Variants in SLC23A2 observed in about 807,000 individuals in gnomAD.
SLC23A2 encodes the protein solute carrier family 23 member 2.
SLC23A2 carries 36 observed loss-of-function variants against 73.3 expected under a neutral mutation model. That is an observed-to-expected ratio of 0.49 (90% CI 0.38 to 0.65). SLC23A2 has a LOEUF of 0.65. Among genes scored for constraint, SLC23A2 ranks in the 30% least tolerant of loss-of-function variants. The probability of loss-of-function intolerance (pLI) is 0.00; values close to 1 mark genes in which losing one functional copy is unlikely to be tolerated. For missense variants in SLC23A2, 507 were observed against 841.6 expected, an observed-to-expected ratio of 0.60 and a Z score of 4.92; for synonymous variants, 343 against 327.3, an observed-to-expected ratio of 1.05 and a Z score of -0.52.
intron 2 of SLC23A2, among the ~76,000 whole-genome samples, chr20:4,944,420 G>A (rs905435372): frequency 6.6e-6 from 1 of 152,110 alleles, no homozygotes; most frequent in Non-Finnish European, 1.5e-5. Context: ...TGTATTTTTA[G>A]TAGAGACAGG....
At chr20:4,874,886 G>A (rs1054633967) in intron 9 of SLC23A2, among the ~76,000 whole-genome samples, 190 bp from the exon 10 acceptor site, 1 of 152,164 alleles carries the variant, frequency 6.6e-6, no homozygotes, top group Admixed American at 6.5e-5. Flanking sequence ...ATACTACTGT[G>A]GGGGAAGATG....
At chr20:4,873,062 C>T (rs72552206) in intron 11 of SLC23A2, among the ~76,000 whole-genome samples, 3,340 of 152,230 alleles carry the variant, frequency 0.022, 52 homozygotes, top group Middle Eastern at 0.051. Flanking sequence ...GCCTGAAAGA[C>T]GAAACTTTTT....
intron 7 of SLC23A2, 48 bp from the exon 8 acceptor site, chr20:4,884,871 C>A (rs770743789): frequency 1.9e-6 from 2 of 1,044,780 alleles, no homozygotes; most frequent in Non-Finnish European, 2.8e-6. Flanking sequence ...TGATGTCTCA[C>A]ATGACATATT....
intron 4 of SLC23A2, among the ~76,000 whole-genome samples, chr20:4,903,346 C>T (rs1355754136): frequency 6.6e-6 from 1 of 152,164 alleles, no homozygotes; most frequent in African/African-American, 2.4e-5. Context: ...CTGAGCCAAA[C>T]AGAAAACTCA....
intron 3 of SLC23A2, among the ~76,000 whole-genome samples, chr20:4,918,629 C>G (rs1932403925): frequency 6.6e-6 from 1 of 152,066 alleles, no homozygotes; most frequent in South Asian, 2.1e-4. Context: ...AGTATCACAG[C>G]AGTGCCAGGC....
intron 6 of SLC23A2, among the ~76,000 whole-genome samples, chr20:4,891,574 AC>A (rs940029250): frequency 5.3e-5 from 8 of 152,136 alleles, no homozygotes; most frequent in Non-Finnish European, 8.8e-5. Flanking sequence ...AGTGTGGCCA[AC>A]CCCAAGCCCT....
intron 6 of SLC23A2, among the ~76,000 whole-genome samples, chr20:4,894,205 G>A (rs1329755539): frequency 2.0e-5 from 3 of 152,148 alleles, no homozygotes; most frequent in African/African-American, 7.2e-5. Context: ...AAAGCTCAGG[G>A]GATCAAGGTC....
chr20:4,916,272 C>A (rs1022369859), intron 3 of SLC23A2, among the ~76,000 whole-genome samples: 1 of 152,166 alleles, frequency 6.6e-6, no homozygotes, highest in South Asian at 2.1e-4. Context: ...AAGAGCAACA[C>A]GCTCTCAGGA....
intron 2 of SLC23A2, among the ~76,000 whole-genome samples, chr20:4,956,481 A>G (rs2087290069): frequency 6.6e-6 from 1 of 152,226 alleles, no homozygotes; most frequent in South Asian, 2.1e-4. Context: ...AAAATTTCAA[A>G]CATACAGAAA....
intron 6 of SLC23A2, among the ~76,000 whole-genome samples, chr20:4,895,310 C>T (rs969943324): frequency 2.0e-5 from 3 of 152,180 alleles, no homozygotes; most frequent in Admixed American, 1.3e-4. Flanking sequence ...GGCCTGCACG[C>T]CCGGCTGCAT....
Position 4,856,711 on chromosome 20 carries a change from C to T in SLC23A2, c.*261G>A, listed in dbSNP as rs1361900137. 9.4e-6 allele frequency: 4 copies of T among 425,154 alleles called. No homozygotes were observed. Among genetic ancestry groups the T allele is most frequent in the Non-Finnish European group, 1.7e-5 (4 of 236,742 alleles). 26.3% of individuals were successfully genotyped at this position (425,154 alleles called of 1,614,324 possible). Reference sequence around the variant, plus strand: ...TTAAATGTCCACTCCAAAGGGAGGACTGGAACTTCAAATTTAGTGACCATG... The same window carrying T: ...TTAAATGTCCACTCCAAAGGGAGGATTGGAACTTCAAATTTAGTGACCATG... On this transcript the variant is annotated 3_prime_UTR_variant, in exon 17 of 17. Transcript: ENST00000338244. The surrounding 1 kb of genome is among the most constrained non-coding windows in gnomAD (Gnocchi z 4.6).
In SLC23A2 at chr20:4,992,413, A is replaced by AT. The variant is rs544187150; in HGVS notation, c.-282+8992dup. Among the ~76,000 whole-genome samples, 67 of 151,450 alleles carry AT rather than the reference A, an allele frequency of 4.4e-4. 1 individual carries two copies. The South Asian group carries it at 0.011, about 25-fold the overall frequency. On this transcript the variant is annotated intron_variant, in intron 1 of 16. Transcript: ENST00000338244. Reference sequence around the variant, plus strand: ...ACAAATATCAGACTAATTATAGCCAATTTTTTTTTAAAGAACTAAGAGAAA... The same window carrying AT: ...ACAAATATCAGACTAATTATAGCCAATTTTTTTTTTAAAGAACTAAGAGAAA...
intron 1 of SLC23A2, among the ~76,000 whole-genome samples, chr20:4,983,286 C>G (rs986244771): frequency 7.2e-5 from 11 of 151,994 alleles, no homozygotes; most frequent in Admixed American, 1.3e-4. Context: ...ACACCAAAAT[C>G]ACAAGCAAAA....
intron 15 of SLC23A2, among the ~76,000 whole-genome samples, chr20:4,860,897 C>T (rs1219044522): frequency 6.6e-6 from 1 of 152,056 alleles, no homozygotes; most frequent in Non-Finnish European, 1.5e-5. Flanking sequence ...AAAAATTGAC[C>T]GGGTGTGGTG....
chr20:4,885,664 G>A (rs1231598013), intron 7 of SLC23A2, among the ~76,000 whole-genome samples, 157 bp downstream of exon 7: 4 of 152,228 alleles, frequency 2.6e-5, no homozygotes, highest in Non-Finnish European at 5.9e-5. Context: ...AGACAGACAC[G>A]ATCCACAGAT....
intron 9 of SLC23A2, among the ~76,000 whole-genome samples, chr20:4,880,570 G>C (rs1302656638): frequency 6.6e-6 from 1 of 152,052 alleles, no homozygotes; most frequent in African/African-American, 2.4e-5. Context: ...AAGAGATAAA[G>C]CAAAGGAGAA....
intron 1 of SLC23A2, among the ~76,000 whole-genome samples, chr20:4,979,828 C>T (rs2087699255): frequency 6.6e-6 from 1 of 152,016 alleles, no homozygotes; most frequent in Non-Finnish European, 1.5e-5. Context: ...AAACAATCTG[C>T]AAATAACACT....
intron 2 of SLC23A2, among the ~76,000 whole-genome samples, chr20:4,962,329 A>G (rs1428296080): frequency 6.6e-6 from 1 of 151,930 alleles, no homozygotes; most frequent in Non-Finnish European, 1.5e-5. Context: ...GAGGGAGGAG[A>G]CCATGTTAGT....
chr20:4,974,561 AAT>A (rs113864823), intron 1 of SLC23A2, among the ~76,000 whole-genome samples: 3,713 of 151,182 alleles, frequency 0.025, 129 homozygotes, highest in South Asian at 0.14. Flanking sequence ...GAATATGACA[AAT>A]ATCTTCTGAA....
Sources: gnomAD v4.1 joint callset for allele counts (sites outside exome capture counted in the v4.1 genomes callset) on GRCh38, gnomAD v4.1.1 for gene constraint, Gnocchi (gnomAD v3.1) non-coding constraint, MANE v1.5 for transcripts, NCBI Gene and HGNC (gene_info 2026-07-23, HGNC 2026-07-21) for gene names.